Variants in MBIP observed in about 807,000 individuals in gnomAD.
MBIP encodes the protein MAP3K12 binding inhibitory protein 1, also known as MAP3K12-binding inhibitory protein 1.
In MBIP, 32 loss-of-function variants were observed where a neutral mutation model predicts 45.7. The observed-to-expected ratio is 0.70, with a 90% CI of 0.53 to 0.94. The LOEUF (loss-of-function observed/expected upper bound fraction) is 0.94, where lower values mean the gene tolerates loss of function less well. Among genes scored for constraint, MBIP ranks in the 40% least tolerant of loss-of-function variants. The pLI is 0.00. For synonymous variants in MBIP, 145 were observed against 141.0 expected (o/e 1.03, Z -0.20); for missense variants, 381 against 405.5 (o/e 0.94, Z 0.52).
chr14:36,312,114 C>T, intron 4 of MBIP, 90 bp from the exon 5 acceptor site: 1 of 610,536 alleles, frequency 1.6e-6, no homozygotes, highest in Non-Finnish European at 2.7e-6. Flanking sequence ...TTCATATTAA[C>T]ATTTTACTCA....
chr14:36,306,922 T>C (rs1879914542), intron 7 of MBIP, among the ~76,000 whole-genome samples: 3 of 152,320 alleles, frequency 2.0e-5, no homozygotes, highest in Middle Eastern at 3.4e-3. Context: ...AAATTAGACA[T>C]CTTGAAGATC....
Position 36,312,000 on chromosome 14 carries a change from G to A in MBIP, c.596C>T (p.Ala199Val), listed in dbSNP as rs779880506. 3.9e-5 allele frequency: 62 copies of A among 1,593,422 alleles called. No individual in the cohort carries two copies. Among genetic ancestry groups the A allele is most frequent in the Non-Finnish European group, 4.5e-5 (53 of 1,170,838 alleles). Residue 199 changes from alanine to valine, a missense_variant, in exon 5 of 9, where the codon GCG (alanine) becomes GTG (valine). Physicochemically the swap from Ala to Val is moderately conservative, Grantham distance 64. Transcript: ENST00000416007. ...NQENSCARTDAIFTPYPGFKS... is the reference protein window; with the variant it reads ...NQENSCARTDVIFTPYPGFKS... The stretch of plus-strand genomic sequence containing the variant: ...AAATCCGGGGTAAGGGGTAAAAATC[G>A]CATCAGTTCTTGCACAACTATTTTC...
Position 36,300,796 on chromosome 14 carries a change from G to C in MBIP, c.916C>G (p.Gln306Glu). 6.5e-7 allele frequency: 1 copy of C among 1,547,864 alleles called. No homozygotes were observed. Among genetic ancestry groups the C allele is most frequent in the Non-Finnish European group, 8.8e-7 (1 of 1,140,238 alleles). The change falls in exon 8 of 9, where the codon CAA becomes GAA. Residue 306 changes from glutamine to glutamate, a missense_variant. Physicochemically the swap from Gln to Glu is conservative, Grantham distance 29 (BLOSUM62 2). Transcript: ENST00000416007. ...VSFSGKRRKV[Q>E]PPQQNYSLAE... Reference sequence around the variant, plus strand: ...ATGCAGTAACTTACTTGAGGTGGTTGAACTTTTCTTCTTTTTCCAGAAAAG... The same window carrying C: ...ATGCAGTAACTTACTTGAGGTGGTTCAACTTTTCTTCTTTTTCCAGAAAAG...
At chr14:36,299,915 A>G (rs1879434247) in intron 8 of MBIP, among the ~76,000 whole-genome samples, 1 of 152,064 alleles carries the variant, frequency 6.6e-6, no homozygotes, top group Non-Finnish European at 1.5e-5. Context: ...GGGGGTAAAG[A>G]GAAGGGGAAA....
At chr14:36,319,822 T>C (rs2139243607) in intron 1 of MBIP, 1 of 182,294 alleles carries the variant, frequency 5.5e-6, no homozygotes, top group East Asian at 1.7e-4. Context: ...TACTATGACA[T>C]TTCTGCAAAA....
chr14:36,309,814 T>C (rs563509975), intron 6 of MBIP, among the ~76,000 whole-genome samples: 3 of 152,072 alleles, frequency 2.0e-5, no homozygotes, highest in Non-Finnish European at 4.4e-5. Context: ...TGCTCCTGAG[T>C]TTTTTGGGAC....
At chr14:36,313,684 T>C (rs1170878618) in intron 4 of MBIP, 1 of 152,118 alleles carries the variant, frequency 6.6e-6, no homozygotes, top group Non-Finnish European at 1.5e-5. Flanking sequence ...CTATATTATT[T>C]CATTAAGAGA....
At position 36,299,062 on chromosome 14, in the gene MBIP, G is replaced by A. The variant is rs763524252; in HGVS notation, c.*21C>T. On this transcript the variant is annotated 3_prime_UTR_variant, in exon 9 of 9. Coordinates refer to ENST00000416007, the MANE Select transcript of MBIP (RefSeq NM_016586.3). ...ACATATGTATACAAAAAAGTAAAAT[G>A]ACAAGGATGAGAGGAGTTTTTCATG... The A allele has an allele frequency of 3.2e-6, 5 of 1,570,782 alleles. No homozygotes were observed. The South Asian group carries it at 5.5e-5, about 17-fold the overall frequency.
Position 36,311,624 on chromosome 14 carries a change from C to T in MBIP, c.739G>A (p.Ala247Thr), listed in dbSNP as rs774272761. The stretch of plus-strand genomic sequence containing the variant: ...ATATTTTGTAGTCGTTCTTCTACAG[C>T]CTGATTACCACAGTCTCGAAGCATG... ...NSMLRDCGNQ[A>T]VEERLQNIEA... is the part of the protein sequence containing the mutation. Residue 247 changes from alanine to threonine, a missense_variant, in exon 6 of 9, where the codon GCT becomes ACT. Coordinates refer to ENST00000416007, the MANE Select transcript of MBIP (RefSeq NM_016586.3). The T allele has an allele frequency of 1.9e-6, 3 of 1,613,500 alleles. 1 individual carries two copies. Among genetic ancestry groups the T allele is most frequent in the Non-Finnish European group, 2.5e-6 (3 of 1,179,574 alleles).
At chr14:36,311,802 A>G (rs1363084337) in intron 5 of MBIP, 77 bp from the exon 6 acceptor site, 11 of 1,341,846 alleles carry the variant, frequency 8.2e-6, no homozygotes, top group Admixed American at 4.8e-5. Flanking sequence ...ACAGCACTTT[A>G]TATTTTTTTC....
chr14:36,304,136 C>T (rs974400876), intron 7 of MBIP, among the ~76,000 whole-genome samples: 17 of 152,194 alleles, frequency 1.1e-4, no homozygotes, highest in East Asian at 1.9e-4. Flanking sequence ...CACGTTCACA[C>T]GCACATGGCC....
At chr14:36,311,383 C>A (rs780162190) in intron 6 of MBIP, among the ~76,000 whole-genome samples, 190 bp downstream of exon 6, 1 of 152,028 alleles carries the variant, frequency 6.6e-6, no homozygotes, top group Non-Finnish European at 1.5e-5. Context: ...AGTGATAACA[C>A]CACCACCATC....
At chr14:36,310,972 T>G (rs186520577) in intron 6 of MBIP, among the ~76,000 whole-genome samples, 1 of 152,052 alleles carries the variant, frequency 6.6e-6, no homozygotes, top group Non-Finnish European at 1.5e-5. Flanking sequence ...TCTAGAGGAG[T>G]CCAGTGGCAA....
At chr14:36,312,750 A>G (rs183529441) in intron 4 of MBIP, among the ~76,000 whole-genome samples, 1 of 152,100 alleles carries the variant, frequency 6.6e-6, no homozygotes, top group Admixed American at 6.5e-5. Flanking sequence ...AACATATAAT[A>G]CAACTAATTA....
At chr14:36,302,364 T>C (rs1047426672) in intron 7 of MBIP, among the ~76,000 whole-genome samples, 1 of 151,936 alleles carries the variant, frequency 6.6e-6, no homozygotes, top group African/African-American at 2.4e-5. Context: ...TGGTGGCAGG[T>C]GCCTGCAGTC....
At chr14:36,305,259 T>C (rs904639072) in intron 7 of MBIP, 6 of 152,154 alleles carry the variant, frequency 3.9e-5, no homozygotes, top group Admixed American at 3.3e-4. Context: ...GTGATGAGTA[T>C]GAAATCTTCT....
chr14:36,315,644 T>C (rs1380584386), intron 2 of MBIP, among the ~76,000 whole-genome samples: 1 of 152,104 alleles, frequency 6.6e-6, no homozygotes, highest in East Asian at 1.9e-4. Context: ...ATATTACTCA[T>C]TTACTGTTCC....
In MBIP at chr14:36,317,076, A is replaced by C. The variant is rs146234659; in HGVS notation, c.130-264T>G. Among the ~76,000 whole-genome samples the C allele has an allele frequency of 2.7e-3, 413 of 152,274 alleles. 2 individuals are homozygous for C. Among genetic ancestry groups the C allele is most frequent in the African/African-American group, 9.6e-3 (399 of 41,562 alleles). The stretch of plus-strand genomic sequence containing the variant: ...GTGTAATGGGACCATTTTAGAGGTA[A>C]AACCATTCATGAAAGATGAAAAGAT... On this transcript the variant is annotated intron_variant, in intron 1 of 8. Coordinates refer to ENST00000416007, the MANE Select transcript of MBIP (RefSeq NM_016586.3).
intron 2 of MBIP, among the ~76,000 whole-genome samples, chr14:36,315,938 A>AAAC (rs58242888): frequency 1.3e-4 from 20 of 151,460 alleles, no homozygotes; most frequent in Non-Finnish European, 2.7e-4. Context: ...TGACCAATCC[A>AAAC]GTTTTTCCAC....
Sources: gnomAD v4.1 joint callset for allele counts (sites outside exome capture counted in the v4.1 genomes callset) on GRCh38, gnomAD v4.1.1 for gene constraint, MANE v1.5 for transcripts, NCBI Gene and HGNC (gene_info 2026-07-23, HGNC 2026-07-21) for gene names.